Variants in CACNA1E observed in about 807,000 individuals in gnomAD.
CACNA1E encodes calcium voltage-gated channel subunit alpha1 E.
In CACNA1E, 40 loss-of-function variants were observed where a neutral mutation model predicts 259.2. The observed-to-expected ratio is 0.15, with a 90% CI of 0.12 to 0.20. CACNA1E has a LOEUF of 0.20. Among genes scored for constraint, CACNA1E ranks in the 10% least tolerant of loss-of-function variants. The pLI, the probability that CACNA1E is intolerant of heterozygous loss-of-function variation, is 1.00. For synonymous variants in CACNA1E, 1,104 were observed against 1,138.5 expected (o/e 0.97, Z 0.61); for missense variants, 1,874 against 3,040.1 (o/e 0.62, Z 9.02).
chr1:181,433,986 A>G (rs1659902136), intron 2 of CACNA1E, among the ~76,000 whole-genome samples: 1 of 152,228 alleles, frequency 6.6e-6, no homozygotes, highest in Non-Finnish European at 1.5e-5. Flanking sequence ...ACAGCTCAGC[A>G]AGCACTGGAG....
At chr1:181,488,590 G>C (rs1215678795) in intron 1 of CACNA1E, among the ~76,000 whole-genome samples, 1 of 152,132 alleles carries the variant, frequency 6.6e-6, no homozygotes, top group Non-Finnish European at 1.5e-5. Flanking sequence ...ATTTATAATT[G>C]GGATGAAGCC....
At chr1:181,430,708 T>C (rs1230439204) in intron 2 of CACNA1E, among the ~76,000 whole-genome samples, 8 of 152,268 alleles carry the variant, frequency 5.3e-5, no homozygotes, top group Non-Finnish European at 1.5e-5. Context: ...TTTTTCAGGC[T>C]GTCTTTCATT....
chr1:181,371,389 A>G (rs969360680), intron 1 of CACNA1E, among the ~76,000 whole-genome samples: 3 of 152,106 alleles, frequency 2.0e-5, no homozygotes, highest in Non-Finnish European at 4.4e-5. Flanking sequence ...AGCCTATGGA[A>G]CAGCTGGGAC....
chr1:181,561,911 TTTTGG>T (rs1484121633), intron 3 of CACNA1E, among the ~76,000 whole-genome samples: 2 of 152,154 alleles, frequency 1.3e-5, no homozygotes, highest in Non-Finnish European at 2.9e-5. Flanking sequence ...CTTTTTATTG[TTTTGG>T]TTTGGTTTGT....
Position 181,720,800 on chromosome 1 carries a change from G to T in CACNA1E, c.1901G>T (p.Gly634Val). 1.2e-6 allele frequency: 2 copies of T among 1,606,560 alleles called. No homozygotes were observed. Among genetic ancestry groups the T allele is most frequent in the Non-Finnish European group, 8.5e-7 (1 of 1,173,958 alleles). The part of the protein sequence containing the change: ...LFGGRFNFND[G>V]TPSANFDTFP... ...TTTTTCAGGTTTAACTTTAATGATGGGACTCCTTCGGCAAATTTTGATACC... is the reference window on the plus strand; with the variant it reads ...TTTTTCAGGTTTAACTTTAATGATGTGACTCCTTCGGCAAATTTTGATACC... Residue 634 changes from glycine to valine, a missense_variant, in exon 15 of 48, where the codon GGG becomes GTG. Physicochemically the swap from Gly to Val is moderately radical, Grantham distance 109. Transcript: ENST00000367573.
At chr1:181,557,740 C>T (rs1648885943) in intron 3 of CACNA1E, among the ~76,000 whole-genome samples, 1 of 152,198 alleles carries the variant, frequency 6.6e-6, no homozygotes, top group Admixed American at 6.5e-5. Context: ...GGGCAGAAAC[C>T]ATCCATGGGT....
Position 181,623,392 on chromosome 1 carries a change from A to G in CACNA1E, c.952-27946A>G, listed in dbSNP as rs1253722611. Among the ~76,000 whole-genome samples the G allele has an allele frequency of 5.3e-5, 8 of 152,234 alleles. 1 individual carries two copies. Among genetic ancestry groups the G allele is most frequent in the Admixed American group, 3.9e-4 (6 of 15,286 alleles). ...AATTTAACAGAGAGTAGGCACAGAA[A>G]AAGTTCTCAAATGTTTGCTGAATGA... is the stretch of plus-strand genomic sequence containing the variant. On this transcript the variant is annotated intron_variant, in intron 6 of 47. Transcript: ENST00000367573.
At chr1:181,646,401 C>G (rs544396853) in intron 6 of CACNA1E, among the ~76,000 whole-genome samples, 6 of 152,332 alleles carry the variant, frequency 3.9e-5, no homozygotes, top group Non-Finnish European at 8.8e-5. Context: ...GAAGCCCTGC[C>G]TAGGCCAGCC....
At chr1:181,550,259 C>T (rs1159562337) in intron 3 of CACNA1E, among the ~76,000 whole-genome samples, 1 of 151,700 alleles carries the variant, frequency 6.6e-6, no homozygotes, top group Admixed American at 6.6e-5. Flanking sequence ...CTTTTTTCAC[C>T]CTGGATGAGG....
At chr1:181,336,868 T>A (rs1013262975) in intron 1 of CACNA1E, among the ~76,000 whole-genome samples, 2 of 151,914 alleles carry the variant, frequency 1.3e-5, no homozygotes, top group Non-Finnish European at 2.9e-5. Flanking sequence ...TAATGTCTTT[T>A]TTTCTTAAAG....
chr1:181,756,213 T>A, intron 29 of CACNA1E, 120 bp downstream of exon 29: 2 of 987,714 alleles, frequency 2.0e-6, no homozygotes, highest in Non-Finnish European at 2.8e-6. Context: ...AAGTAAGGGG[T>A]TTTGAGAAGG....
At chr1:181,357,858 T>C (rs1395589032) in intron 1 of CACNA1E, among the ~76,000 whole-genome samples, 2 of 152,182 alleles carry the variant, frequency 1.3e-5, no homozygotes, top group African/African-American at 4.8e-5. Context: ...CTTAGCATCA[T>C]GAATGAGGAT....
chr1:181,797,132 G>A lies in CACNA1E; in HGVS notation c.6399+274G>A, dbSNP rs1661880388. 2.0e-5 allele frequency among the ~76,000 whole-genome samples: 3 copies of A among 152,246 alleles called. No individual in the cohort carries two copies. The South Asian group carries it at 6.2e-4, about 32-fold the overall frequency. On this transcript the variant is annotated intron_variant, in intron 47 of 47. Coordinates refer to ENST00000367573, the MANE Select transcript of CACNA1E (RefSeq NM_001205293.3). ...CTTCAGAAACCAGAGATATAAATAGGTTGACAGCCAGATTTTGGAGGAGAG... is the reference window on the plus strand; with the variant it reads ...CTTCAGAAACCAGAGATATAAATAGATTGACAGCCAGATTTTGGAGGAGAG...
chr1:181,661,776 C>T (rs1406874763), intron 7 of CACNA1E, among the ~76,000 whole-genome samples: 9 of 152,180 alleles, frequency 5.9e-5, no homozygotes, highest in African/African-American at 2.2e-4. Flanking sequence ...GTACTAACTT[C>T]CTTTTATAAA....
chr1:181,466,651 A>G (rs747598863), intron 2 of CACNA1E, among the ~76,000 whole-genome samples: 6 of 152,204 alleles, frequency 3.9e-5, no homozygotes, highest in African/African-American at 7.2e-5. Context: ...GTTACTGCCT[A>G]TGGGACAGCT....
In CACNA1E at chr1:181,723,216, C is replaced by T. The variant is rs115462647; in HGVS notation, c.2075-1254C>T. 5.6e-3 allele frequency among the ~76,000 whole-genome samples: 860 copies of T among 152,290 alleles called. 3 individuals are homozygous for T. The highest frequency in any genetic ancestry group is 9.1e-3 in the Non-Finnish European group (617 of 68,018). On this transcript the variant is annotated intron_variant, in intron 16 of 47. Coordinates refer to ENST00000367573, the MANE Select transcript of CACNA1E (RefSeq NM_001205293.3). ...GTAACAGGGGCTCTGGAATCTCATTCTTTTTGTCGTTAAGGACAGAATGGT... is the reference window on the plus strand; with the variant it reads ...GTAACAGGGGCTCTGGAATCTCATTTTTTTTGTCGTTAAGGACAGAATGGT...
intron 6 of CACNA1E, among the ~76,000 whole-genome samples, chr1:181,603,807 C>A (rs887578804): frequency 6.6e-6 from 1 of 152,154 alleles, no homozygotes; most frequent in Non-Finnish European, 1.5e-5. Context: ...CTTGTTGCCT[C>A]CTGTTCTCGC....
At chr1:181,325,729 C>T (rs1016561589) in intron 1 of CACNA1E, among the ~76,000 whole-genome samples, 5 of 151,856 alleles carry the variant, frequency 3.3e-5, no homozygotes, top group Admixed American at 6.6e-5. Flanking sequence ...AATAGGAGAT[C>T]GTGGGTGGGG....
intron 2 of CACNA1E, among the ~76,000 whole-genome samples, chr1:181,471,368 T>C (rs1288074275): frequency 6.6e-6 from 1 of 152,202 alleles, no homozygotes; most frequent in Admixed American, 6.5e-5. Flanking sequence ...GATCTTAGTG[T>C]AGGAACTTAG....
Sources: gnomAD v4.1 joint callset for allele counts (sites outside exome capture counted in the v4.1 genomes callset) on GRCh38, gnomAD v4.1.1 for gene constraint, MANE v1.5 for transcripts, NCBI Gene and HGNC (gene_info 2026-07-23, HGNC 2026-07-21) for gene names.